PPP1R15A: variants seen among roughly 807,000 people sequenced by gnomAD.
The protein encoded by PPP1R15A is protein phosphatase 1 regulatory subunit 15A.
PPP1R15A carries 43 observed loss-of-function variants against 48.5 expected under a neutral mutation model. That is an observed-to-expected ratio of 0.89 (90% CI 0.69 to 1.14). The LOEUF is 1.14. PPP1R15A is among the 50% of genes most tolerant of loss of function. PPP1R15A has a pLI of 0.00. For missense variants in PPP1R15A, 868 were observed against 847.2 expected (o/e 1.02, Z -0.30); for synonymous variants, 327 against 327.4 (o/e 1.00, Z 0.01).
rs1475506390 is a variant in PPP1R15A, at chr19:48,874,225, G to A, written c.992G>A (p.Cys331Tyr). The A allele has an allele frequency of 6.2e-7, 1 of 1,614,134 alleles. No homozygotes were observed. The highest frequency in any genetic ancestry group is 8.5e-7 in the Non-Finnish European group (1 of 1,180,014). The stretch of plus-strand genomic sequence containing the variant: ...GATGGAGAAGCTGAGTGTCCTCCCT[G>A]CATCCCCCCACCAAGTGCCTTCCTG... ...EKDGEAECPP[C>Y]IPPPSAFLKA... Residue 331 changes from cysteine to tyrosine, a missense_variant, in exon 2 of 3, where the codon TGC becomes TAC. Cys to Tyr is a radical substitution (Grantham distance 194). Transcript: ENST00000200453.
In PPP1R15A at chr19:48,873,581, C is replaced by A; in HGVS notation, c.348C>A (p.Gly116=). The change falls in exon 2 of 3, where the codon GGC becomes GGA. Residue 116 remains glycine (G), a synonymous_variant. Coordinates refer to ENST00000200453, the MANE Select transcript of PPP1R15A (RefSeq NM_014330.5). ...EAWGLLDDDD[G]MYGEREATSV... is the part of the protein sequence containing the mutation. ...GGGGACTTTTGGATGATGATGATGG[C>A]ATGTATGGTGAGCGAGAGGCAACCA... 1 of 1,614,158 alleles carries A rather than the reference C, an allele frequency of 6.2e-7. No homozygotes were observed. The highest frequency in any genetic ancestry group is 1.7e-5 in the Admixed American group (1 of 60,014).
chr19:48,873,364 C>T lies in PPP1R15A; in HGVS notation c.131C>T (p.Pro44Leu). The T allele has an allele frequency of 6.2e-7, 1 of 1,613,858 alleles. No individual in the cohort carries two copies. The highest frequency in any genetic ancestry group is 1.1e-5 in the South Asian group (1 of 91,072). The change falls in exon 2 of 3, where the codon CCC becomes CTC. Residue 44 changes from proline to leucine, a missense_variant. Physicochemically the swap from Pro to Leu is moderately conservative, Grantham distance 98. Transcript: ENST00000200453. Reference sequence around the variant, plus strand: ...CTGAGGGGCCTGGGACCTCTAGAGCCCTGGCTGGTGGAAGCAGTAAAAGGA... The same window carrying T: ...CTGAGGGGCCTGGGACCTCTAGAGCTCTGGCTGGTGGAAGCAGTAAAAGGA... ...SRLRGLGPLE[P>L]WLVEAVKGAA...
intron 2 of PPP1R15A, chr19:48,875,374 C>T (rs1418154805): frequency 1.7e-6 from 1 of 592,524 alleles, no homozygotes; most frequent in African/African-American, 1.9e-5. Context: ...GAGGCCAGGC[C>T]CCTGGGGGAG....
rs536325560 is a variant in PPP1R15A, at chr19:48,875,716, A to G, written c.1768A>G (p.Ser590Gly). The change falls in exon 3 of 3, where the codon AGC (serine) becomes GGC (glycine). Residue 590 changes from serine to glycine, a missense_variant. Transcript: ENST00000200453. ...GPWEQLARDR[S>G]RFARRITQAQ... is the part of the protein sequence containing the mutation. Reference sequence around the variant, plus strand: ...CTGGGAGCAGCTTGCTCGGGATCGCAGCCGCTTCGCACGCCGCATCACCCA... The same window carrying G: ...CTGGGAGCAGCTTGCTCGGGATCGCGGCCGCTTCGCACGCCGCATCACCCA... 5 of 1,612,776 alleles carry G rather than the reference A, an allele frequency of 3.1e-6. No homozygotes were observed. In the South Asian group the frequency reaches 3.3e-5, roughly 11 times the overall value.
In PPP1R15A at chr19:48,872,497, C is replaced by T. The variant is rs1404085436; in HGVS notation, c.-164C>T. 2.2e-6 allele frequency: 1 copy of T among 456,504 alleles called. No individual in the cohort carries two copies. Among genetic ancestry groups the T allele is most frequent in the Non-Finnish European group, 4.4e-6 (1 of 226,794 alleles). 28.3% of individuals were successfully genotyped at this position (456,504 alleles called of 1,614,324 possible). On this transcript the variant is annotated 5_prime_UTR_variant, in exon 1 of 3. Transcript: ENST00000200453. ...ACCCCGCGCCCGCTTGTCGCCACGG[C>T]ACTTGAGGCAGCCGGAGATACTCTG...
In PPP1R15A at chr19:48,873,769, A is replaced by T; in HGVS notation, c.536A>T (p.Tyr179Phe). The stretch of plus-strand genomic sequence containing the variant: ...GAGGAGGGAGTTAACAAGTTCTCTT[A>T]TCCACCATCACACCGGGAGTGTTGT... ...AEEEGVNKFS[Y>F]PPSHRECCPA... The change falls in exon 2 of 3, where the codon TAT becomes TTT. Residue 179 changes from tyrosine to phenylalanine, a missense_variant. By Grantham distance (22) the Tyr-to-Phe change is conservative. Transcript: ENST00000200453. The T allele has an allele frequency of 6.2e-7, 1 of 1,614,090 alleles. No homozygotes were observed. The highest frequency in any genetic ancestry group is 2.2e-5 in the East Asian group (1 of 44,874).
In PPP1R15A at chr19:48,874,228, T is replaced by C; in HGVS notation, c.995T>C (p.Ile332Thr). The change falls in exon 2 of 3, where the codon ATC (isoleucine) becomes ACC (threonine). Residue 332 changes from isoleucine to threonine, a missense_variant. Transcript: ENST00000200453. ...KDGEAECPPC[I>T]PPPSAFLKAW... ...GGAGAAGCTGAGTGTCCTCCCTGCA[T>C]CCCCCCACCAAGTGCCTTCCTGAAG... 1 of 1,613,580 alleles carries C rather than the reference T, an allele frequency of 6.2e-7. No individual in the cohort carries two copies. Among genetic ancestry groups the C allele is most frequent in the Non-Finnish European group, 8.5e-7 (1 of 1,179,896 alleles).
rs746479005 is a variant in PPP1R15A at position 48,873,944 on chromosome 19, A to G, written c.711A>G (p.Thr237=). Residue 237 remains threonine, a synonymous_variant, in exon 2 of 3, where the codon ACA becomes ACG. Coordinates refer to ENST00000200453, the MANE Select transcript of PPP1R15A (RefSeq NM_014330.5). ...EENQATEDKR[T]ERSKGARKTS... is the part of the protein sequence containing the mutation. ...ATCAAGCCACGGAGGATAAAAGAAC[A>G]GAAAGAAGTAAAGGAGCCAGGAAGA... is the stretch of plus-strand genomic sequence containing the variant. 6.2e-7 allele frequency: 1 copy of G among 1,613,940 alleles called. No homozygotes were observed. The highest frequency in any genetic ancestry group is 8.5e-7 in the Non-Finnish European group (1 of 1,179,984).
rs1377842492 is a variant in PPP1R15A at position 48,873,707 on chromosome 19, A to C, written c.474A>C (p.Pro158=). Residue 158 remains proline, a synonymous_variant, in exon 2 of 3, where the codon CCA becomes CCC. Coordinates refer to ENST00000200453, the MANE Select transcript of PPP1R15A (RefSeq NM_014330.5). ...CACTGCAAGGTTCTGATAAGAACCC[A>C]GGGGAGGAGAAAGCCGAGGAAGAGG... ...IRTLQGSDKN[P]GEEKAEEEGV... 3 of 1,614,074 alleles carry C rather than the reference A, an allele frequency of 1.9e-6. No homozygotes were observed. Among genetic ancestry groups the C allele is most frequent in the Non-Finnish European group, 2.5e-6 (3 of 1,180,040 alleles).
In PPP1R15A at chr19:48,875,934, T is replaced by TGCA; in HGVS notation, c.1989_1991dup (p.Ala666dup). 1 of 1,608,214 alleles carries TGCA rather than the reference T, an allele frequency of 6.2e-7. No individual in the cohort carries two copies. Among genetic ancestry groups the TGCA allele is most frequent in the Non-Finnish European group, 8.5e-7 (1 of 1,175,560 alleles). ...CCACACCTTCCCGCTCGTCTGCTGC[T>TGCA]GCAGCGGCTGCCCTGGACCTCAGTG... is the stretch of plus-strand genomic sequence containing the variant. On this transcript the variant is annotated inframe_insertion, in exon 3 of 3. Transcript: ENST00000200453.
In PPP1R15A at chr19:48,873,908, G is replaced by A; in HGVS notation, c.675G>A (p.Gly225=). ...CCAGCACTTGGGTGTCTTGCCCAGG[G>A]GAGGAAGAGAATCAAGCCACGGAGG... ...SKPSTWVSCP[G]EEENQATEDK... Residue 225 remains glycine (G), a synonymous_variant, in exon 2 of 3, where the codon GGG becomes GGA. Transcript: ENST00000200453. 2 of 1,614,160 alleles carry A rather than the reference G, an allele frequency of 1.2e-6. No homozygotes were observed. The highest frequency in any genetic ancestry group is 1.6e-4 in the Middle Eastern group (1 of 6,062).
chr19:48,874,990 A>G, intron 2 of PPP1R15A, 92 bp downstream of exon 2: 1 of 1,367,016 alleles, frequency 7.3e-7, no homozygotes, highest in East Asian at 2.5e-5. Context: ...CAGCGGCATG[A>G]TCTTGGCTCA....
In PPP1R15A at chr19:48,873,809, G is replaced by A. The variant is rs745498884; in HGVS notation, c.576G>A (p.Glu192=). 14 of 1,614,124 alleles carry A rather than the reference G, an allele frequency of 8.7e-6. No homozygotes were observed. In the Admixed American group the frequency reaches 1.7e-4, roughly 19 times the overall value. Reference sequence around the variant, plus strand: ...GGGAGTGTTGTCCAGCCGTGGAGGAGGAGGACGATGAAGAAGCTGTAAAGA... The same window carrying A: ...GGGAGTGTTGTCCAGCCGTGGAGGAAGAGGACGATGAAGAAGCTGTAAAGA... ...SHRECCPAVE[E]EDDEEAVKKE... is the part of the protein sequence containing the mutation. The change falls in exon 2 of 3, where the codon GAG becomes GAA. Residue 192 remains glutamate, a synonymous_variant. Transcript: ENST00000200453.
chr19:48,875,668 G>T lies in PPP1R15A; in HGVS notation c.1720G>T (p.Ala574Ser). ...VHFLAVWAGP[A>S]QAARQGPWEQ... ...TTTCCTGGCTGTCTGGGCAGGGCCG[G>T]CCCAGGCCGCCCGCCAGGGCCCCTG... The change falls in exon 3 of 3, where the codon GCC becomes TCC. Residue 574 changes from alanine (A) to serine (S), a missense_variant. Transcript: ENST00000200453. The T allele has an allele frequency of 6.2e-7, 1 of 1,610,116 alleles. No homozygotes were observed. The highest frequency in any genetic ancestry group is 8.5e-7 in the Non-Finnish European group (1 of 1,178,834).
chr19:48,875,132 T>A, intron 2 of PPP1R15A: 1 of 449,656 alleles, frequency 2.2e-6, no homozygotes, highest in Non-Finnish European at 3.8e-6. Context: ...GGTTTTGCCA[T>A]GTTGGCCAGG....
Position 48,872,485 on chromosome 19 carries a change from T to C in PPP1R15A, c.-176T>C, listed in dbSNP as rs977167296. 2.4e-5 allele frequency: 11 copies of C among 456,398 alleles called. No individual in the cohort carries two copies. The highest frequency in any genetic ancestry group is 4.9e-5 in the Non-Finnish European group (11 of 226,794). 28.3% of individuals were successfully genotyped at this position (456,398 alleles called of 1,614,324 possible). A position where few individuals can be genotyped will look rare whatever the true frequency, so the allele number is the denominator to read the frequency against. ...AGACGCTGCACGACCCCGCGCCCGC[T>C]TGTCGCCACGGCACTTGAGGCAGCC... On this transcript the variant is annotated 5_prime_UTR_variant, in exon 1 of 3. Transcript: ENST00000200453.
In PPP1R15A at chr19:48,874,354, A is replaced by G. The variant is rs746351950; in HGVS notation, c.1121A>G (p.Glu374Gly). 3 of 1,613,650 alleles carry G rather than the reference A, an allele frequency of 1.9e-6. No individual in the cohort carries two copies. ...SGSDEEEGEAEASSSTPATGV... is the reference protein window; with the variant it reads ...SGSDEEEGEAGASSSTPATGV... Reference sequence around the variant, plus strand: ...TCAGATGAGGAAGAGGGAGAAGCTGAGGCTTCCTCTTCCACTCCTGCTACA... The same window carrying G: ...TCAGATGAGGAAGAGGGAGAAGCTGGGGCTTCCTCTTCCACTCCTGCTACA... Residue 374 changes from glutamate (E) to glycine (G), a missense_variant, in exon 2 of 3, where the codon GAG (glutamate) becomes GGG (glycine). Coordinates refer to ENST00000200453, the MANE Select transcript of PPP1R15A (RefSeq NM_014330.5).
intron 1 of PPP1R15A, 130 bp downstream of exon 1, chr19:48,872,781 C>G: frequency 3.6e-6 from 1 of 277,144 alleles, no homozygotes; most frequent in South Asian, 3.2e-5. Flanking sequence ...TCTTGGGTCC[C>G]CCGTGAAGGA....
intron 2 of PPP1R15A, 26 bp downstream of exon 2, chr19:48,874,924 T>A (rs749134444): frequency 1.3e-5 from 3 of 228,196 alleles, no homozygotes; most frequent in South Asian, 2.6e-4. Context: ...CCAGATTCTA[T>A]TTTTTTTTTT....
Sources: allele counts gnomAD v4.1 joint callset, GRCh38; gene constraint gnomAD v4.1.1; transcripts MANE v1.5; gene names NCBI Gene and HGNC (gene_info 2026-07-23, HGNC 2026-07-21).